CNTNAP5: variants seen among roughly 807,000 people sequenced by gnomAD.
CNTNAP5 encodes contactin associated protein family member 5, also known as contactin-associated protein-like 5.
Under a neutral mutation model 150.2 loss-of-function variants are expected in CNTNAP5, and 72 were observed. That is an observed-to-expected ratio of 0.48 (90% confidence interval 0.40 to 0.58). CNTNAP5 has a LOEUF of 0.58. Ranked by LOEUF, CNTNAP5 falls within the 20% of genes least tolerant of loss-of-function variation. The probability of loss-of-function intolerance (pLI) is 0.00; values close to 1 mark genes in which losing one functional copy is unlikely to be tolerated. For synonymous variants in CNTNAP5, 672 were observed against 619.8 expected (o/e 1.08, Z -1.25); for missense variants, 1,636 against 1,626.2 (o/e 1.01, Z -0.10).
chr2:124,153,530 G>C (rs910388468), intron 1 of CNTNAP5, among the ~76,000 whole-genome samples: 2 of 151,228 alleles, frequency 1.3e-5, no homozygotes, highest in Non-Finnish European at 2.9e-5. Context: ...AGGAGGGCCT[G>C]CTTCTCGGTT....
chr2:124,634,492 G>A (rs776363297), intron 12 of CNTNAP5, among the ~76,000 whole-genome samples: 25 of 150,718 alleles, frequency 1.7e-4, no homozygotes, highest in East Asian at 3.9e-4. Context: ...AGGCACACAC[G>A]TGTGTGTGTG....
chr2:124,366,635 C>G (rs1470372113), intron 3 of CNTNAP5, among the ~76,000 whole-genome samples: 1 of 152,072 alleles, frequency 6.6e-6, no homozygotes, highest in South Asian at 2.1e-4. Flanking sequence ...CCAATTCTAC[C>G]CCTCCAGGTG....
At chr2:124,799,303 A>C (rs1681915916) in intron 19 of CNTNAP5, among the ~76,000 whole-genome samples, 1 of 152,224 alleles carries the variant, frequency 6.6e-6, no homozygotes, top group South Asian at 2.1e-4. Flanking sequence ...ACCACTTAGG[A>C]TGGCTACTGC....
chr2:124,323,469 G>C, intron 3 of CNTNAP5, among the ~76,000 whole-genome samples: 1 of 152,176 alleles, frequency 6.6e-6, no homozygotes, highest in East Asian at 1.9e-4. Flanking sequence ...CTGAAGCTGT[G>C]CAAGGGAATC....
Position 124,434,497 on chromosome 2 carries a change from T to C in CNTNAP5, c.543T>C (p.Ala181=). 6.2e-7 allele frequency: 1 copy of C among 1,613,854 alleles called. No individual in the cohort carries two copies. The highest frequency in any genetic ancestry group is 8.5e-7 in the Non-Finnish European group (1 of 1,179,750). ...CTTTGTTCCCAGAATCAGATGTTGC[T>C]GACTTTGATGGCCGAAGCTCACTTC... The part of the protein sequence containing the change: ...VYGCSYKSDV[A]DFDGRSSLLY... The change falls in exon 5 of 24, where the codon GCT becomes GCC. Residue 181 remains alanine (A), a synonymous_variant. Transcript: ENST00000682447.
chr2:124,419,162 A>AAC (rs1692017158), intron 4 of CNTNAP5, among the ~76,000 whole-genome samples: 1 of 144,532 alleles, frequency 6.9e-6, no homozygotes, highest in African/African-American at 2.6e-5. Context: ...AAAAAAAAAA[A>AAC]ACAGTATGAA....
At chr2:124,640,147 A>G (rs935630427) in intron 12 of CNTNAP5, among the ~76,000 whole-genome samples, 2 of 152,160 alleles carry the variant, frequency 1.3e-5, no homozygotes, top group African/African-American at 4.8e-5. Context: ...TGAACAACAA[A>G]TAAACAAATA....
chr2:124,247,695 A>G (rs1687065037), intron 3 of CNTNAP5, among the ~76,000 whole-genome samples: 1 of 152,214 alleles, frequency 6.6e-6, no homozygotes, highest in African/African-American at 2.4e-5. Flanking sequence ...CAAAAAAATA[A>G]TAAATTAGAT....
In CNTNAP5 at chr2:124,875,764, C is replaced by T. The variant is rs141161564; in HGVS notation, c.3436+6002C>T. On this transcript the variant is annotated intron_variant, in intron 21 of 23. Coordinates refer to ENST00000682447, the MANE Select transcript of CNTNAP5 (RefSeq NM_001367498.1). ...TCTGTCAAGGTGACTGTAAGTGTAA[C>T]TTCCAGGGAGGTGCTCAACTGTGCT... Among the ~76,000 whole-genome samples the T allele has an allele frequency of 4.0e-3, 563 of 141,170 alleles. 4 individuals are homozygous for T. Among genetic ancestry groups the T allele is most frequent in the African/African-American group, 0.014 (531 of 38,084 alleles). The allele number at this position is 141,170 out of a possible 152,430, so 92.6% of individuals were successfully genotyped here.
chr2:124,905,996 C>T (rs1281072156), intron 22 of CNTNAP5, among the ~76,000 whole-genome samples: 2 of 152,112 alleles, frequency 1.3e-5, no homozygotes, highest in Non-Finnish European at 2.9e-5. Context: ...AAAATGCATG[C>T]TTGCAGGCCT....
intron 3 of CNTNAP5, among the ~76,000 whole-genome samples, chr2:124,325,544 A>G (rs2104673707): frequency 6.6e-6 from 1 of 152,176 alleles, no homozygotes; most frequent in South Asian, 2.1e-4. Context: ...TTTTTATTTC[A>G]TTTTTGGCAT....
chr2:124,799,992 C>A (rs112839956), intron 19 of CNTNAP5, among the ~76,000 whole-genome samples: 3 of 152,232 alleles, frequency 2.0e-5, no homozygotes, highest in African/African-American at 7.2e-5. Flanking sequence ...TGATTAGGAC[C>A]ATTCTATCAA....
chr2:124,111,816 T>C (rs1683306278), intron 1 of CNTNAP5, among the ~76,000 whole-genome samples: 1 of 152,208 alleles, frequency 6.6e-6, no homozygotes, highest in Non-Finnish European at 1.5e-5. Flanking sequence ...GTCCTTACAA[T>C]TTCTCCAAAC....
At chr2:124,241,845 G>A (rs1686895174) in intron 2 of CNTNAP5, among the ~76,000 whole-genome samples, 1 of 152,150 alleles carries the variant, frequency 6.6e-6, no homozygotes, top group Admixed American at 6.5e-5. Context: ...GAGAGCACAT[G>A]TAAGCCTAGT....
chr2:124,297,845 T>TATTATTATC (rs1553456125), intron 3 of CNTNAP5, among the ~76,000 whole-genome samples: 10 of 119,542 alleles, frequency 8.4e-5, no homozygotes, highest in African/African-American at 2.7e-4. Flanking sequence ...TTATTATTAT[T>TATTATTATC]ATTATTATTA....
intron 19 of CNTNAP5, among the ~76,000 whole-genome samples, chr2:124,823,463 C>G (rs1012282614): frequency 6.6e-6 from 1 of 152,186 alleles, no homozygotes; most frequent in Non-Finnish European, 1.5e-5. Context: ...CTACTGGTTA[C>G]GTACAGAAAG....
intron 3 of CNTNAP5, among the ~76,000 whole-genome samples, chr2:124,361,848 T>C (rs1690210417): frequency 1.3e-5 from 2 of 152,176 alleles, no homozygotes; most frequent in African/African-American, 4.8e-5. Flanking sequence ...CAGTTCGAGC[T>C]TCCCAGCTGC....
At chr2:124,335,038 A>C (rs1573923288) in intron 3 of CNTNAP5, among the ~76,000 whole-genome samples, 1 of 152,106 alleles carries the variant, frequency 6.6e-6, no homozygotes, top group African/African-American at 2.4e-5. Flanking sequence ...CATTGCCCCC[A>C]AATTTTCATC....
intron 3 of CNTNAP5, among the ~76,000 whole-genome samples, chr2:124,413,903 TA>T (rs142156805): frequency 6.7e-6 from 1 of 149,164 alleles, no homozygotes. Flanking sequence ...ATAAATAAAT[TA>T]AAAAAAAAGA....
Sources: allele counts gnomAD v4.1 joint callset (sites outside exome capture counted in the v4.1 genomes callset), GRCh38; gene constraint gnomAD v4.1.1; transcripts MANE v1.5; gene names NCBI Gene and HGNC (gene_info 2026-07-23, HGNC 2026-07-21).